The following KHDRBS2 variants were observed in gnomAD, a reference collection of about 807,000 sequenced individuals.
KHDRBS2 encodes KH RNA binding domain containing, signal transduction associated 2.
Under a neutral mutation model 44.3 loss-of-function variants are expected in KHDRBS2, and 26 were observed. That is an observed-to-expected ratio of 0.59 (90% CI 0.43 to 0.81). The LOEUF (loss-of-function observed/expected upper bound fraction) is 0.81. Among genes scored for constraint, KHDRBS2 ranks in the 40% least tolerant of loss-of-function variants. The probability of loss-of-function intolerance (pLI) is 0.00; values close to 1 mark genes in which losing one functional copy is unlikely to be tolerated. For missense variants in KHDRBS2, 476 were observed against 433.1 expected, an observed-to-expected ratio of 1.10 and a Z score of -0.88; for synonymous variants, 194 against 151.1, an observed-to-expected ratio of 1.28 and a Z score of -2.08.
intron 4 of KHDRBS2, among the ~76,000 whole-genome samples, chr6:61,917,063 C>A (rs1807158396): frequency 7.1e-6 from 1 of 141,292 alleles, no homozygotes; most frequent in South Asian, 2.3e-4. Flanking sequence ...TAAACATACT[C>A]TTACCATATG....
At chr6:62,241,632 C>T (rs1275668916) in intron 1 of KHDRBS2, among the ~76,000 whole-genome samples, 2 of 151,320 alleles carry the variant, frequency 1.3e-5, no homozygotes, top group African/African-American at 4.9e-5. Flanking sequence ...GTTTGACTCT[C>T]GGTTTCACCA....
the KHDRBS2 span, among the ~76,000 whole-genome samples, chr6:61,646,727 C>A: frequency 0.024 from 3,721 of 152,140 alleles, 70 homozygotes; most frequent in Middle Eastern, 0.088. Context: ...ATGTATGCAA[C>A]CAGAAAAGTT....
intron 5 of KHDRBS2, among the ~76,000 whole-genome samples, chr6:61,896,734 C>G (rs994195280): frequency 2.6e-4 from 40 of 151,558 alleles, no homozygotes; most frequent in Non-Finnish European, 2.2e-4. Context: ...CCTCTACATT[C>G]CTGAACTGAA....
At chr6:61,773,416 T>C (rs1213590866) in intron 6 of KHDRBS2, among the ~76,000 whole-genome samples, 1 of 151,186 alleles carries the variant, frequency 6.6e-6, no homozygotes, top group Non-Finnish European at 1.5e-5. Context: ...TTTTCATGTG[T>C]TTTTTTGGCT....
At chr6:61,862,647 C>T (rs1280019435) in intron 6 of KHDRBS2, among the ~76,000 whole-genome samples, 1 of 152,090 alleles carries the variant, frequency 6.6e-6, no homozygotes, top group African/African-American at 2.4e-5. Context: ...GCTTAACCAA[C>T]CTTGCGTCCT....
intron 4 of KHDRBS2, among the ~76,000 whole-genome samples, chr6:61,956,991 G>C (rs541636889): frequency 6.6e-6 from 1 of 151,850 alleles, no homozygotes; most frequent in African/African-American, 2.4e-5. Context: ...CTGAAGCCGT[G>C]GCAGAAGAAT....
intron 3 of KHDRBS2, among the ~76,000 whole-genome samples, chr6:62,027,156 T>A (rs1281923424): frequency 6.6e-6 from 1 of 152,088 alleles, no homozygotes; most frequent in Non-Finnish European, 1.5e-5. Context: ...GACTGTAGTT[T>A]GAAGGAAGTG....
At chr6:61,655,296 C>T in the KHDRBS2 span, among the ~76,000 whole-genome samples, 1 of 151,810 alleles carries the variant, frequency 6.6e-6, no homozygotes, top group Non-Finnish European at 1.5e-5. Context: ...TGCACTGTCG[C>T]CCAGACTGGA....
intron 2 of KHDRBS2, among the ~76,000 whole-genome samples, chr6:62,105,714 C>T (rs1015450160): frequency 5.3e-5 from 8 of 151,870 alleles, no homozygotes; most frequent in African/African-American, 1.7e-4. Context: ...TTTGTTGATC[C>T]TTTCAAAAAA....
chr6:62,280,496 T>G (rs1350065669), intron 1 of KHDRBS2, among the ~76,000 whole-genome samples: 4 of 152,072 alleles, frequency 2.6e-5, no homozygotes, highest in African/African-American at 9.7e-5. Context: ...CAGAAAAAAT[T>G]TACTCAATTT....
chr6:61,692,666 C>A (rs1299260638), intron 8 of KHDRBS2, among the ~76,000 whole-genome samples: 1 of 152,120 alleles, frequency 6.6e-6, no homozygotes, highest in East Asian at 1.9e-4. Flanking sequence ...AAGTGTCCCA[C>A]TGAAGGACTG....
chr6:61,560,259 G>T, the KHDRBS2 span, among the ~76,000 whole-genome samples: 188 of 152,202 alleles, frequency 1.2e-3, 1 homozygote, highest in Admixed American at 2.9e-3. Flanking sequence ...ACCTTTAGAA[G>T]ATTAATAATT....
the KHDRBS2 span, among the ~76,000 whole-genome samples, chr6:61,634,267 T>TAAA: frequency 1.4e-5 from 2 of 147,754 alleles, no homozygotes; most frequent in Non-Finnish European, 1.5e-5. Flanking sequence ...CAGATCAAAT[T>TAAA]AAAAAAAAAA....
At chr6:61,893,757 G>A (rs1485000998) in intron 6 of KHDRBS2, among the ~76,000 whole-genome samples, 1 of 152,148 alleles carries the variant, frequency 6.6e-6, no homozygotes, top group African/African-American at 2.4e-5. Context: ...TGTGGGGTGA[G>A]GGGAGCGGGG....
At chr6:61,866,900 C>T (rs1797881183) in intron 6 of KHDRBS2, among the ~76,000 whole-genome samples, 1 of 152,180 alleles carries the variant, frequency 6.6e-6, no homozygotes. Flanking sequence ...TAATCTCAGC[C>T]TGGACTTTAT....
chr6:61,931,769 G>C (rs1204166965), intron 4 of KHDRBS2, among the ~76,000 whole-genome samples: 1 of 151,972 alleles, frequency 6.6e-6, no homozygotes, highest in Non-Finnish European at 1.5e-5. Context: ...AAGAAAAGTT[G>C]CACTGAGTGT....
intron 5 of KHDRBS2, among the ~76,000 whole-genome samples, chr6:61,899,734 C>G (rs201506418): frequency 0.39 from 23,139 of 58,714 alleles, 2,446 homozygotes; most frequent in East Asian, 0.54. Flanking sequence ...TGTTTTAATG[C>G]CCCCCCCCCG....
chr6:61,795,265 C>A (rs1785173557), intron 6 of KHDRBS2, among the ~76,000 whole-genome samples: 1 of 150,772 alleles, frequency 6.6e-6, no homozygotes, highest in African/African-American at 2.4e-5. Flanking sequence ...TACTGAAAGT[C>A]ACACTATTAA....
the KHDRBS2 span, among the ~76,000 whole-genome samples, chr6:61,627,300 GTCTTTGGTCCTTGGGTGGAAGCC>G: frequency 1.1e-4 from 16 of 143,374 alleles, no homozygotes; most frequent in Admixed American, 1.1e-3. Flanking sequence ...GCTGGTTTTT[GTCTTTGGTCCTTGGGTGGAAGCC>G]TCCAAACCCT....
Sources: allele counts gnomAD v4.1 joint callset (sites outside exome capture counted in the v4.1 genomes callset), GRCh38; gene constraint gnomAD v4.1.1; transcripts MANE v1.5; gene names NCBI Gene and HGNC (gene_info 2026-07-23, HGNC 2026-07-21).